Variants in ADGRV1 observed in about 807,000 individuals in gnomAD.
The protein encoded by ADGRV1 is G-protein coupled receptor 98.
ADGRV1 carries 359 observed loss-of-function variants against 596.2 expected under a neutral mutation model. The observed-to-expected ratio is 0.60, with a 90% CI of 0.55 to 0.66. ADGRV1 has a LOEUF of 0.66. Among genes scored for constraint, ADGRV1 ranks in the 30% least tolerant of loss-of-function variants. The probability of loss-of-function intolerance (pLI) is 0.00; values close to 1 mark genes in which losing one functional copy is unlikely to be tolerated. For synonymous variants in ADGRV1, 2,681 were observed against 2,679.2 expected (o/e 1.00, Z -0.02); for missense variants, 7,274 against 7,575.6 (o/e 0.96, Z 1.48).
At chr5:90,820,447 G>C (rs572837382) in intron 75 of ADGRV1, among the ~76,000 whole-genome samples, 36 of 151,296 alleles carry the variant, frequency 2.4e-4, no homozygotes, top group African/African-American at 8.5e-4. Context: ...GTGTGAATTT[G>C]ATCCTGTCAT....
intron 84 of ADGRV1, among the ~76,000 whole-genome samples, chr5:90,969,871 G>C (rs1778798315): frequency 6.6e-6 from 1 of 152,228 alleles, no homozygotes; most frequent in Non-Finnish European, 1.5e-5. Context: ...TGATCGGACA[G>C]TGGAGGCAGG....
chr5:90,635,900 A>G (rs1168170966), intron 10 of ADGRV1, among the ~76,000 whole-genome samples: 1 of 142,146 alleles, frequency 7.0e-6, no homozygotes, highest in Non-Finnish European at 1.5e-5. Flanking sequence ...TGGCCTATAA[A>G]CCTTTTTTTT....
At chr5:90,597,066 C>T (rs1203061485) in intron 1 of ADGRV1, among the ~76,000 whole-genome samples, 3 of 152,162 alleles carry the variant, frequency 2.0e-5, no homozygotes, top group Non-Finnish European at 4.4e-5. Flanking sequence ...GGAGGTTACA[C>T]TTAGTTTTGG....
chr5:90,958,154 A>G (rs926753192), intron 83 of ADGRV1, among the ~76,000 whole-genome samples: 11 of 151,412 alleles, frequency 7.3e-5, no homozygotes, highest in African/African-American at 2.2e-4. Context: ...CCAGTGGTGC[A>G]TGCCTGTAGT....
intron 25 of ADGRV1, among the ~76,000 whole-genome samples, chr5:90,679,323 C>G (rs1206624194): frequency 1.3e-5 from 2 of 152,014 alleles, no homozygotes; most frequent in Non-Finnish European, 2.9e-5. Flanking sequence ...CAGTTACAGT[C>G]TACATGGAGT....
At chr5:90,824,011 G>A (rs751935051) in intron 76 of ADGRV1, among the ~76,000 whole-genome samples, 3 of 152,128 alleles carry the variant, frequency 2.0e-5, no homozygotes, top group South Asian at 2.1e-4. Flanking sequence ...AAGACATGTC[G>A]ATATGCTAAC....
intron 1 of ADGRV1, among the ~76,000 whole-genome samples, chr5:90,596,234 C>A (rs547986942): frequency 6.6e-6 from 1 of 151,100 alleles, no homozygotes; most frequent in Non-Finnish European, 1.5e-5. Context: ...GATGTGATGG[C>A]GGCCGGGAAG....
Position 90,683,874 on chromosome 5 carries a change from A to C in ADGRV1, c.5953A>C (p.Asn1985His), listed in dbSNP as rs41303352. Residue 1985 changes from asparagine (N) to histidine (H), a missense_variant, in exon 28 of 90, where the codon AAC becomes CAC. This residue lies in a region of ADGRV1 where 3,643 missense variants were observed against 3,809.2 expected (regional missense o/e 0.96). Coordinates refer to ENST00000405460, the MANE Select transcript of ADGRV1 (RefSeq NM_032119.4). The stretch of plus-strand genomic sequence containing the variant: ...TGGGATATTCATTTTTTCTGAGAAA[A>C]ACAGACCTGTTAAAGTTGAGGAAGC... ...PYGIFIFSEKNRPVKVEEATQ... is the reference protein window; with the variant it reads ...PYGIFIFSEKHRPVKVEEATQ... The C allele has an allele frequency of 1.7e-4, 280 of 1,613,072 alleles. No homozygotes were observed. The African/African-American group carries it at 3.2e-3, about 18-fold the overall frequency.
Position 90,840,980 on chromosome 5 carries a change from GA to G in ADGRV1, c.17018del (p.Lys5673ArgfsTer2). 1 of 1,389,338 alleles carries G rather than the reference GA, an allele frequency of 7.2e-7. No homozygotes were observed. Among genetic ancestry groups the G allele is most frequent in the Non-Finnish European group, 9.4e-7 (1 of 1,065,076 alleles). The allele number at this position is 1,389,338 out of a possible 1,614,324, so 86.1% of individuals were successfully genotyped here. On this transcript the variant is annotated frameshift_variant, in exon 78 of 90. Coordinates refer to ENST00000405460, the MANE Select transcript of ADGRV1 (RefSeq NM_032119.4). LOFTEE classifies it high-confidence loss of function. ...ACTCAGTGCCATGATGCATTTAATA[GA>G]AAAGGTAAGTTTTTGTGAATATTAG... ...EQLSAMMHLI[E>X]KITTEGKIQA...
intron 42 of ADGRV1, 25 bp downstream of exon 42, chr5:90,712,453 G>C: frequency 6.5e-7 from 1 of 1,535,998 alleles, no homozygotes; most frequent in Non-Finnish European, 8.9e-7. Context: ...CTTATAAACA[G>C]CTTCCTCTCC....
At chr5:90,757,302 A>G (rs1421696989) in intron 57 of ADGRV1, 141 bp downstream of exon 57, 4 of 641,988 alleles carry the variant, frequency 6.2e-6, no homozygotes, top group Non-Finnish European at 1.0e-5. Flanking sequence ...AAATATTATT[A>G]ATTGAAATAC....
chr5:91,090,634 G>A (rs920444370), intron 86 of ADGRV1, among the ~76,000 whole-genome samples: 20 of 151,760 alleles, frequency 1.3e-4, no homozygotes, highest in Non-Finnish European at 2.4e-4. Context: ...CAGATCTAGT[G>A]TGTCACCTGC....
At chr5:90,651,770 A>T (rs1768662326) in intron 18 of ADGRV1, 40 bp downstream of exon 18, 1 of 1,297,012 alleles carries the variant, frequency 7.7e-7, no homozygotes, top group African/African-American at 1.5e-5. Context: ...AATTGGGTGA[A>T]ATAAAACCAT....
intron 1 of ADGRV1, among the ~76,000 whole-genome samples, chr5:90,569,800 A>G (rs1756286803): frequency 6.6e-6 from 1 of 152,056 alleles, no homozygotes; most frequent in South Asian, 2.1e-4. Flanking sequence ...CAGATTAATA[A>G]CAACTTAATT....
Position 90,628,600 on chromosome 5 carries a change from A to T in ADGRV1, c.1277A>T (p.His426Leu). 6.2e-7 allele frequency: 1 copy of T among 1,613,948 alleles called. No individual in the cohort carries two copies. The highest frequency in any genetic ancestry group is 8.5e-7 in the Non-Finnish European group (1 of 1,179,794). ...EITVVRNGGT[H>L]GNVSANWVLT... ...ACAGTGGTTAGAAATGGAGGAACCC[A>T]TGGGAATGTCTCTGCGAATTGGGTG... The change falls in exon 8 of 90, where the codon CAT (histidine) becomes CTT (leucine). Residue 426 changes from histidine to leucine, a missense_variant. Around this residue, in one of 5 missense-constraint regions of ADGRV1, gnomAD observed 1,715 missense variants for 1,708.8 expected, o/e 1.00. Transcript: ENST00000405460.
At chr5:90,936,389 T>G (rs1775690191) in intron 83 of ADGRV1, among the ~76,000 whole-genome samples, 1 of 152,156 alleles carries the variant, frequency 6.6e-6, no homozygotes, top group South Asian at 2.1e-4. Flanking sequence ...TTTGCATCTC[T>G]TTAGGATTTT....
intron 86 of ADGRV1, among the ~76,000 whole-genome samples, chr5:91,079,831 T>C (rs1789181658): frequency 6.6e-6 from 1 of 152,132 alleles, no homozygotes; most frequent in Non-Finnish European, 1.5e-5. Flanking sequence ...TTAATTGACA[T>C]CTTTTTTCTA....
At chr5:90,717,486 G>A (rs1194620184) in intron 43 of ADGRV1, 7 of 139,886 alleles carry the variant, frequency 5.0e-5, no homozygotes, top group African/African-American at 1.9e-4. Context: ...CCAGGCTGGA[G>A]TTCAGTGGCG....
intron 9 of ADGRV1, among the ~76,000 whole-genome samples, chr5:90,633,921 A>G (rs919909711): frequency 8.5e-5 from 13 of 152,170 alleles, no homozygotes; most frequent in Non-Finnish European, 4.4e-5. Context: ...ATTAAAATGT[A>G]CTATCCATCG....
Sources: allele counts gnomAD v4.1 joint callset (sites outside exome capture counted in the v4.1 genomes callset), GRCh38; gene constraint gnomAD v4.1.1; regional missense constraint gnomAD v4.1.1; transcripts MANE v1.5; gene names NCBI Gene and HGNC (gene_info 2026-07-23, HGNC 2026-07-21).